Variants in LSAMP observed in about 807,000 individuals in gnomAD.
LSAMP encodes limbic system-associated membrane protein.
Under a neutral mutation model 38.6 loss-of-function variants are expected in LSAMP, and 7 were observed. The observed-to-expected ratio is 0.18, with a 90% CI of 0.10 to 0.34. The LOEUF is 0.34. Among genes scored for constraint, LSAMP ranks in the 10% least tolerant of loss-of-function variants. The pLI is 1.00. For missense variants in LSAMP, 313 were observed against 420.0 expected, an observed-to-expected ratio of 0.75 and a Z score of 2.23; for synonymous variants, 154 against 166.8, an observed-to-expected ratio of 0.92 and a Z score of 0.59.
intron 6 of LSAMP, among the ~76,000 whole-genome samples, 190 bp from the exon 7 acceptor site, chr3:115,810,604 A>G (rs918741246): frequency 2.6e-5 from 4 of 152,236 alleles, no homozygotes; most frequent in South Asian, 2.1e-4. Context: ...GGCTACAAGT[A>G]TCCTAAGGGG....
rs1935954524 is a variant in LSAMP at position 115,869,284 on chromosome 3, G to C, written c.515-16667C>G. ...TCTTGGAGGGGGAGAGAGAGAGAGA[G>C]AGAGAGAGAGAGAGAGAGACTGACT... On this transcript the variant is annotated intron_variant, in intron 3 of 6. Transcript: ENST00000490035. Among the ~76,000 whole-genome samples the C allele has an allele frequency of 2.0e-5, 3 of 151,752 alleles. 1 individual carries two copies. Among genetic ancestry groups the C allele is most frequent in the Admixed American group, 2.0e-4 (3 of 15,204 alleles).
At chr3:116,044,265 C>A (rs1941242226) in intron 2 of LSAMP, among the ~76,000 whole-genome samples, 1 of 152,176 alleles carries the variant, frequency 6.6e-6, no homozygotes, top group South Asian at 2.1e-4. Flanking sequence ...GAAAGCTCAG[C>A]GTTATTTCCC....
At chr3:116,113,400 CTATATATATATATATATA>C (rs5851991) in intron 1 of LSAMP, among the ~76,000 whole-genome samples, 2 of 87,112 alleles carry the variant, frequency 2.3e-5, no homozygotes, top group South Asian at 4.8e-4. Context: ...TATGTTTGCC[CTATATATATATATATATA>C]TATTTTTTTT....
chr3:116,424,635 A>G (rs988060360), intron 1 of LSAMP, among the ~76,000 whole-genome samples: 2 of 152,222 alleles, frequency 1.3e-5, no homozygotes, highest in African/African-American at 4.8e-5. Flanking sequence ...AGTCTTATAC[A>G]GAAGAGAGGA....
At chr3:116,030,702 G>A (rs1940898175) in intron 2 of LSAMP, among the ~76,000 whole-genome samples, 1 of 152,076 alleles carries the variant, frequency 6.6e-6, no homozygotes, top group African/African-American at 2.4e-5. Context: ...GTGGCAAATA[G>A]CAATTGAATG....
chr3:115,870,566 C>T (rs1936004021), intron 3 of LSAMP, among the ~76,000 whole-genome samples: 1 of 152,088 alleles, frequency 6.6e-6, no homozygotes, highest in African/African-American at 2.4e-5. Flanking sequence ...AGTTCTAATC[C>T]ATTATGTCTA....
chr3:116,234,002 G>A (rs2046435158), intron 1 of LSAMP, among the ~76,000 whole-genome samples: 2 of 152,172 alleles, frequency 1.3e-5, no homozygotes, highest in East Asian at 3.8e-4. Flanking sequence ...TCTGGTTCAA[G>A]CAAAAAACTT....
chr3:116,382,524 G>T lies in LSAMP; in HGVS notation c.155+62353C>A, dbSNP rs61510068. Among the ~76,000 whole-genome samples the T allele has an allele frequency of 2.5e-3, 346 of 135,980 alleles. 4 individuals carry two copies. The highest frequency in any genetic ancestry group is 8.8e-3 in the African/African-American group (332 of 37,804). 89.2% of individuals were successfully genotyped at this position (135,980 alleles called of 152,430 possible). A position where few individuals can be genotyped will look rare whatever the true frequency, so the allele number is the denominator to read the frequency against. ...TGTCATGGGGTCGGGGGAGGGGGGA[G>T]GGATAGCATTAGGAGATATACCTAA... On this transcript the variant is annotated intron_variant, in intron 1 of 6. Coordinates refer to ENST00000490035, the MANE Select transcript of LSAMP (RefSeq NM_002338.5).
At chr3:116,315,279 C>T (rs1367966028) in intron 1 of LSAMP, among the ~76,000 whole-genome samples, 1 of 152,170 alleles carries the variant, frequency 6.6e-6, no homozygotes, top group Non-Finnish European at 1.5e-5. Flanking sequence ...TCAAAAATTT[C>T]CTCAGATGCA....
chr3:115,859,527 T>C (rs1935612105), intron 3 of LSAMP, among the ~76,000 whole-genome samples: 2 of 152,252 alleles, frequency 1.3e-5, no homozygotes, highest in South Asian at 4.1e-4. Context: ...GCTATAGAAA[T>C]GTTCCCTATT....
intron 2 of LSAMP, among the ~76,000 whole-genome samples, chr3:116,049,862 C>T (rs1941360149): frequency 6.6e-6 from 1 of 152,130 alleles, no homozygotes. Flanking sequence ...ATGTTTTTTA[C>T]TCAAGGGAAG....
rs574888787 is a variant in LSAMP, at chr3:116,172,909, C to T, written c.156-86353G>A. On this transcript the variant is annotated intron_variant, in intron 1 of 6. Coordinates refer to ENST00000490035, the MANE Select transcript of LSAMP (RefSeq NM_002338.5). ...ACAGGAAACATAACAGTTTCCACAT[C>T]GACAATGGCTACTGGGAAAGAGGAT... is the stretch of plus-strand genomic sequence containing the variant. 5.9e-5 allele frequency among the ~76,000 whole-genome samples: 9 copies of T among 151,688 alleles called. 1 individual carries two copies. The highest frequency in any genetic ancestry group is 4.2e-4 in the South Asian group (2 of 4,790).
At chr3:116,164,751 T>TAC (rs1710002408) in intron 1 of LSAMP, among the ~76,000 whole-genome samples, 1 of 54,024 alleles carries the variant, frequency 1.9e-5, no homozygotes, top group Non-Finnish European at 4.1e-5. Flanking sequence ...TCCATATATA[T>TAC]ATATATATAT....
chr3:115,945,194 T>A (rs1938055123), intron 3 of LSAMP, among the ~76,000 whole-genome samples: 1 of 152,158 alleles, frequency 6.6e-6, no homozygotes. Context: ...CTTTGTTTAC[T>A]TTGCTATTTA....
intron 3 of LSAMP, among the ~76,000 whole-genome samples, chr3:115,941,965 G>A (rs1253600066): frequency 2.0e-5 from 3 of 152,004 alleles, no homozygotes; most frequent in Admixed American, 6.6e-5. Flanking sequence ...TGTATACCTT[G>A]AATATGTATA....
intron 3 of LSAMP, among the ~76,000 whole-genome samples, chr3:115,985,026 G>A (rs1939469695): frequency 6.6e-6 from 1 of 152,116 alleles, no homozygotes; most frequent in African/African-American, 2.4e-5. Flanking sequence ...CTTGTAAGAA[G>A]CAATAATAAG....
intron 1 of LSAMP, among the ~76,000 whole-genome samples, chr3:116,257,243 A>T (rs2046763905): frequency 6.6e-6 from 1 of 152,212 alleles, no homozygotes; most frequent in African/African-American, 2.4e-5. Context: ...ACACATTTAC[A>T]AATGGAGTAT....
At chr3:115,857,730 A>C (rs1337516440) in intron 3 of LSAMP, among the ~76,000 whole-genome samples, 2 of 152,168 alleles carry the variant, frequency 1.3e-5, no homozygotes, top group Non-Finnish European at 2.9e-5. Flanking sequence ...CAGTGTATGC[A>C]CCTTTTAAAC....
At chr3:116,000,466 G>A (rs889432327) in intron 3 of LSAMP, among the ~76,000 whole-genome samples, 2 of 152,148 alleles carry the variant, frequency 1.3e-5, no homozygotes, top group East Asian at 1.9e-4. Flanking sequence ...CCTCAAACGC[G>A]GATGGCCACC....
Sources: gnomAD v4.1 joint callset for allele counts (sites outside exome capture counted in the v4.1 genomes callset) on GRCh38, gnomAD v4.1.1 for gene constraint, MANE v1.5 for transcripts, NCBI Gene and HGNC (gene_info 2026-07-23, HGNC 2026-07-21) for gene names.